Variants in EPHA3 observed in about 807,000 individuals in gnomAD.
The protein encoded by EPHA3 is ephrin type-A receptor 3.
EPHA3 carries 42 observed loss-of-function variants against 107.1 expected under a neutral mutation model. That is an observed-to-expected ratio of 0.39 (90% CI 0.31 to 0.51). The LOEUF (loss-of-function observed/expected upper bound fraction) is 0.51, where lower values mean the gene tolerates loss of function less well. Ranked by LOEUF, EPHA3 falls within the 20% of genes least tolerant of loss-of-function variation. The probability of loss-of-function intolerance (pLI) is 0.78; values close to 1 mark genes in which losing one functional copy is unlikely to be tolerated. For missense variants in EPHA3, 1,183 were observed against 1,211.2 expected, an observed-to-expected ratio of 0.98 and a Z score of 0.35; for synonymous variants, 461 against 424.8, an observed-to-expected ratio of 1.09 and a Z score of -1.05.
chr3:89,357,811 T>G (rs1022682602), intron 5 of EPHA3, among the ~76,000 whole-genome samples: 1 of 151,258 alleles, frequency 6.6e-6, no homozygotes, highest in Non-Finnish European at 1.5e-5. Flanking sequence ...TGAATTGATA[T>G]AGTAAAAAAC....
At chr3:89,134,460 G>A (rs1437506451) in intron 2 of EPHA3, among the ~76,000 whole-genome samples, 3 of 151,884 alleles carry the variant, frequency 2.0e-5, no homozygotes, top group Admixed American at 1.3e-4. Context: ...GAGTGAGAAC[G>A]TGCGATGTTT....
intron 3 of EPHA3, among the ~76,000 whole-genome samples, chr3:89,286,459 A>G (rs770520178): frequency 1.7e-4 from 26 of 152,080 alleles, no homozygotes; most frequent in Admixed American, 9.2e-4. Context: ...AGGGAGACCA[A>G]TTAGGAAGGT....
intron 13 of EPHA3, among the ~76,000 whole-genome samples, chr3:89,439,585 T>A (rs1709741858): frequency 6.6e-6 from 1 of 152,166 alleles, no homozygotes; most frequent in South Asian, 2.1e-4. Context: ...AGTGCTACAA[T>A]TTCAGACTTT....
At chr3:89,287,039 C>T (rs1185696785) in intron 3 of EPHA3, among the ~76,000 whole-genome samples, 3 of 152,232 alleles carry the variant, frequency 2.0e-5, no homozygotes, top group African/African-American at 7.2e-5. Context: ...TTTCATAGAA[C>T]CTGACTACTG....
At chr3:89,235,065 C>A (rs1422186194) in intron 3 of EPHA3, among the ~76,000 whole-genome samples, 3 of 76,936 alleles carry the variant, frequency 3.9e-5, no homozygotes, top group Non-Finnish European at 7.2e-5. Context: ...TTCTTTCTTT[C>A]TTTATTTCTC....
At chr3:89,210,649 T>C in intron 3 of EPHA3, 129 bp downstream of exon 3, 1 of 912,842 alleles carries the variant, frequency 1.1e-6, no homozygotes, top group Non-Finnish European at 1.6e-6. Context: ...GACCATAGTC[T>C]ATTTATGGAC....
intron 15 of EPHA3, among the ~76,000 whole-genome samples, chr3:89,452,311 C>CATTCCCTTACATGCCAAT (rs1710009926): frequency 6.6e-6 from 1 of 152,146 alleles, no homozygotes; most frequent in Non-Finnish European, 1.5e-5. Flanking sequence ...TTCCAATTTA[C>CATTCCCTTACATGCCAAT]ATTCCCTTAC....
chr3:89,357,232 G>C (rs1042925620), intron 5 of EPHA3, among the ~76,000 whole-genome samples: 1 of 149,138 alleles, frequency 6.7e-6, no homozygotes, highest in Non-Finnish European at 1.5e-5. Context: ...AATCATTCTG[G>C]ATAAAGAGTT....
At chr3:89,199,034 A>C (rs1705908093) in intron 2 of EPHA3, among the ~76,000 whole-genome samples, 1 of 152,222 alleles carries the variant, frequency 6.6e-6, no homozygotes, top group Non-Finnish European at 1.5e-5. Context: ...CTTTCCAAGA[A>C]TTGGAAACAT....
chr3:89,148,377 A>C (rs1342578441), intron 2 of EPHA3, among the ~76,000 whole-genome samples: 3 of 151,944 alleles, frequency 2.0e-5, no homozygotes, highest in Non-Finnish European at 2.9e-5. Flanking sequence ...TGGGTTTAAA[A>C]ATTTTACCAA....
chr3:89,242,456 G>C (rs896388055), intron 3 of EPHA3, among the ~76,000 whole-genome samples: 5 of 151,954 alleles, frequency 3.3e-5, no homozygotes, highest in African/African-American at 1.2e-4. Flanking sequence ...TTTGTTTTTT[G>C]AGACGGAGTC....
chr3:89,340,306 T>A (rs994644076), intron 3 of EPHA3, among the ~76,000 whole-genome samples: 11 of 152,194 alleles, frequency 7.2e-5, no homozygotes, highest in Admixed American at 1.3e-4. Context: ...GTATTTCAGA[T>A]ATAGACAAAG....
intron 3 of EPHA3, among the ~76,000 whole-genome samples, chr3:89,214,536 A>T (rs1704180463): frequency 6.6e-6 from 1 of 151,996 alleles, no homozygotes; most frequent in Admixed American, 6.6e-5. Context: ...TGTATTCATT[A>T]TTTATTCATT....
At position 89,323,489 on chromosome 3, in the gene EPHA3, T is replaced by C. The variant is rs1707090577; in HGVS notation, c.815-17427T>C. The stretch of plus-strand genomic sequence containing the variant: ...CCTATTGATTTACCAGCATTGAGGA[T>C]GCACTTTAAATTGTTGGTCCAATAG... On this transcript the variant is annotated intron_variant, in intron 3 of 16. Coordinates refer to ENST00000336596, the MANE Select transcript of EPHA3 (RefSeq NM_005233.6). Among the ~76,000 whole-genome samples, 5 of 152,286 alleles carry C rather than the reference T, an allele frequency of 3.3e-5. No individual in the cohort carries two copies. In the South Asian group the frequency reaches 8.3e-4, roughly 25 times the overall value.
Position 89,332,940 on chromosome 3 carries a change from C to T in EPHA3, c.815-7976C>T, listed in dbSNP as rs1707319759. Among the ~76,000 whole-genome samples the T allele has an allele frequency of 3.3e-5, 5 of 152,140 alleles. No individual in the cohort carries two copies. In the South Asian group the frequency reaches 1.0e-3, roughly 31 times the overall value. ...TCTAAAAGTCAACCACATTAGTCAA[C>T]CGGAGACAAAATTCACTTTGCAATT... On this transcript the variant is annotated intron_variant, in intron 3 of 16. Transcript: ENST00000336596.
At chr3:89,195,793 A>C (rs1705824965) in intron 2 of EPHA3, among the ~76,000 whole-genome samples, 1 of 152,134 alleles carries the variant, frequency 6.6e-6, no homozygotes, top group Non-Finnish European at 1.5e-5. Context: ...TTCCTCATCT[A>C]GCCCATCCTA....
intron 3 of EPHA3, among the ~76,000 whole-genome samples, chr3:89,289,389 A>G (rs1277128735): frequency 6.6e-6 from 1 of 152,122 alleles, no homozygotes; most frequent in South Asian, 2.1e-4. Flanking sequence ...CTAAAAATTA[A>G]TGGTTTCAGA....
At chr3:89,111,938 AAC>A (rs1466983728) in intron 1 of EPHA3, among the ~76,000 whole-genome samples, 3 of 152,086 alleles carry the variant, frequency 2.0e-5, no homozygotes, top group Non-Finnish European at 2.9e-5. Context: ...ATCAATACAA[AAC>A]AGTTTCACTG....
At chr3:89,369,701 C>T (rs1311115455) in intron 5 of EPHA3, among the ~76,000 whole-genome samples, 13 of 147,878 alleles carry the variant, frequency 8.8e-5, no homozygotes, top group African/African-American at 3.3e-4. Flanking sequence ...AAAGAAACTA[C>T]CATCAGAGTG....
Sources: allele counts gnomAD v4.1 joint callset (sites outside exome capture counted in the v4.1 genomes callset), GRCh38; gene constraint gnomAD v4.1.1; transcripts MANE v1.5; gene names NCBI Gene and HGNC (gene_info 2026-07-23, HGNC 2026-07-21).